Variants in MAST2 observed in about 807,000 individuals in gnomAD.
MAST2 encodes microtubule associated serine/threonine kinase 2.
In MAST2, 70 loss-of-function variants were observed where a neutral mutation model predicts 147.4. The observed-to-expected ratio is 0.47, with a 90% confidence interval of 0.39 to 0.58. The LOEUF (loss-of-function observed/expected upper bound fraction) is 0.58. Among genes scored for constraint, MAST2 ranks in the 20% least tolerant of loss-of-function variants. The pLI, the probability that MAST2 is intolerant of heterozygous loss-of-function variation, is 0.00. For missense variants in MAST2, 2,080 were observed against 2,302.3 expected (o/e 0.90, Z 1.98); for synonymous variants, 869 against 896.8 (o/e 0.97, Z 0.55).
intron 4 of MAST2, chr1:45,917,494 G>T: frequency 7.3e-7 from 1 of 1,366,580 alleles, no homozygotes; most frequent in Non-Finnish European, 9.8e-7. Context: ...GCCCACAGCA[G>T]TCCTGGCACT....
intron 3 of MAST2, among the ~76,000 whole-genome samples, chr1:45,846,404 C>T (rs1378963603): frequency 6.6e-6 from 1 of 152,114 alleles, no homozygotes; most frequent in Admixed American, 6.5e-5. Context: ...AAAACATTTT[C>T]TGTCCTTAGT....
intron 1 of MAST2, among the ~76,000 whole-genome samples, chr1:45,810,205 G>T (rs941269470): frequency 6.6e-6 from 1 of 152,222 alleles, no homozygotes; most frequent in Non-Finnish European, 1.5e-5. Flanking sequence ...TATGATAGGA[G>T]TAGACAAAGG....
At chr1:45,827,657 TTA>T (rs1462367336) in intron 2 of MAST2, among the ~76,000 whole-genome samples, 5 of 119,286 alleles carry the variant, frequency 4.2e-5, no homozygotes, top group East Asian at 3.2e-4. Flanking sequence ...ATCATCATCA[TTA>T]TTTTTTTTTT....
intron 4 of MAST2, among the ~76,000 whole-genome samples, chr1:45,910,734 A>G (rs1037259415): frequency 3.3e-5 from 5 of 152,242 alleles, no homozygotes; most frequent in Non-Finnish European, 7.3e-5. Context: ...TTTGACAGGA[A>G]GGATATAACA....
At chr1:45,830,436 G>A (rs894316516) in intron 3 of MAST2, among the ~76,000 whole-genome samples, 1 of 152,100 alleles carries the variant, frequency 6.6e-6, no homozygotes, top group Non-Finnish European at 1.5e-5. Context: ...GCCTCCCAAA[G>A]TGTTGGGATT....
At chr1:46,027,108 G>T (rs1256118925) in intron 16 of MAST2, among the ~76,000 whole-genome samples, 1 of 152,162 alleles carries the variant, frequency 6.6e-6, no homozygotes, top group East Asian at 1.9e-4. Flanking sequence ...AAGACACATG[G>T]GCAGTTGGGT....
At chr1:46,028,277 TCCTGAATCTCCCAG>T (rs1646500005) in intron 17 of MAST2, among the ~76,000 whole-genome samples, 1 of 152,212 alleles carries the variant, frequency 6.6e-6, no homozygotes, top group Admixed American at 6.5e-5. Flanking sequence ...ATGAGATCAG[TCCTGAATCTCCCAG>T]CCTGAATCAA....
At chr1:45,842,147 C>T in intron 3 of MAST2, among the ~76,000 whole-genome samples, 1 of 152,094 alleles carries the variant, frequency 6.6e-6, no homozygotes, top group Non-Finnish European at 1.5e-5. Flanking sequence ...GCTTTGGCCT[C>T]CCTAAGTACT....
In MAST2 at chr1:46,030,592, C is replaced by T. The variant is rs770787409; in HGVS notation, c.2554-15C>T. The stretch of plus-strand genomic sequence containing the variant: ...CTGCCAGAGCCCATCCCCAGCGCAT[C>T]CCCTGTGCCCACAGGTGTACAGCAG... On this transcript the variant is annotated splice_polypyrimidine_tract_variant and intron_variant, in intron 21 of 28. Transcript: ENST00000361297. The T allele has an allele frequency of 3.8e-6, 6 of 1,593,660 alleles. No individual in the cohort carries two copies. In the South Asian group the frequency reaches 6.9e-5, roughly 18 times the overall value.
At chr1:45,935,164 A>G (rs549040436) in intron 4 of MAST2, among the ~76,000 whole-genome samples, 2 of 152,188 alleles carry the variant, frequency 1.3e-5, no homozygotes, top group South Asian at 4.1e-4. Context: ...GATGTGGAGC[A>G]TGTTGTCGTG....
intron 5 of MAST2, among the ~76,000 whole-genome samples, chr1:45,979,125 G>A (rs1466276227): frequency 6.6e-6 from 1 of 152,140 alleles, no homozygotes; most frequent in South Asian, 2.1e-4. Flanking sequence ...CTTTAGATGG[G>A]GTAAAGGGAG....
intron 15 of MAST2, 37 bp downstream of exon 15, chr1:46,024,017 GCA>G: frequency 1.3e-6 from 2 of 1,592,056 alleles, no homozygotes; most frequent in East Asian, 2.2e-5. Flanking sequence ...GGAGGCCAAG[GCA>G]CAGTCTGAGA....
At chr1:45,969,199 T>G (rs1192771003) in intron 5 of MAST2, among the ~76,000 whole-genome samples, 1 of 152,242 alleles carries the variant, frequency 6.6e-6, no homozygotes, top group East Asian at 1.9e-4. Flanking sequence ...TCTGATGCTT[T>G]TTCTGTCTCC....
intron 4 of MAST2, among the ~76,000 whole-genome samples, chr1:45,921,482 G>A (rs1235979874): frequency 1.3e-5 from 2 of 152,154 alleles, no homozygotes; most frequent in Admixed American, 6.5e-5. Flanking sequence ...CCTCCAAAGA[G>A]ACTGGAGCGG....
Position 46,033,919 on chromosome 1 carries a change from G to T in MAST2, c.3655G>T (p.Gly1219Cys). ...GGCCCGAAGGAGCAAGAGGAGCCGC[G>T]GCAAGGATGGGCAAGAAAGGTGAGC... ...KMARRSKRSR[G>C]KDGQESRKRS... Residue 1219 changes from glycine (G) to cysteine (C), a missense_variant, in exon 27 of 29, where the codon GGC (glycine) becomes TGC (cysteine). By Grantham distance (159) the Gly-to-Cys change is radical. This residue lies in a region of MAST2 where 1,278 missense variants were observed against 1,304.2 expected (regional missense o/e 0.98). Coordinates refer to ENST00000361297, the MANE Select transcript of MAST2 (RefSeq NM_015112.3). The T allele has an allele frequency of 6.2e-7, 1 of 1,614,064 alleles. No homozygotes were observed. Among genetic ancestry groups the T allele is most frequent in the Non-Finnish European group, 8.5e-7 (1 of 1,179,942 alleles).
chr1:45,956,019 CCTTG>C lies in MAST2; in HGVS notation c.501-3363_501-3360del, dbSNP rs547189206. Reference sequence around the variant, plus strand: ...TCCTCATGACTATCTATAATCCATTCCTTGCTTCTCATTGGGCAACTACTAATCT... The same window carrying C: ...TCCTCATGACTATCTATAATCCATTCCTTCTCATTGGGCAACTACTAATCT... On this transcript the variant is annotated intron_variant, in intron 4 of 28. Coordinates refer to ENST00000361297, the MANE Select transcript of MAST2 (RefSeq NM_015112.3). Among the ~76,000 whole-genome samples the C allele has an allele frequency of 6.7e-4, 102 of 152,230 alleles. 2 individuals are homozygous for C. The highest frequency in any genetic ancestry group is 2.9e-3 in the South Asian group (14 of 4,818).
At chr1:45,902,041 A>T (rs924748678) in intron 4 of MAST2, among the ~76,000 whole-genome samples, 1 of 152,182 alleles carries the variant, frequency 6.6e-6, no homozygotes, top group Non-Finnish European at 1.5e-5. Context: ...GGGAGTGGAC[A>T]TCCTCGTGTT....
chr1:45,987,358 G>A (rs929015060), intron 5 of MAST2, among the ~76,000 whole-genome samples: 4 of 152,062 alleles, frequency 2.6e-5, no homozygotes, highest in African/African-American at 9.7e-5. Flanking sequence ...CTGTCACCCA[G>A]GCTGGAGTAG....
intron 6 of MAST2, among the ~76,000 whole-genome samples, chr1:46,001,430 T>C (rs1645269663): frequency 1.3e-5 from 2 of 152,256 alleles, no homozygotes; most frequent in Admixed American, 1.3e-4. Context: ...AAAGTGTATT[T>C]GACAAGGGTT....
Sources: gnomAD v4.1 joint callset for allele counts (sites outside exome capture counted in the v4.1 genomes callset) on GRCh38, gnomAD v4.1.1 for gene constraint, gnomAD v4.1.1 regional missense constraint, MANE v1.5 for transcripts, NCBI Gene and HGNC (gene_info 2026-07-23, HGNC 2026-07-21) for gene names.